The following BTBD7 variants were observed in gnomAD, a reference collection of about 807,000 sequenced individuals.
BTBD7 encodes the protein BTB/POZ domain-containing protein 7.
Under a neutral mutation model 99.9 loss-of-function variants are expected in BTBD7, and 38 were observed. The ratio of observed to expected loss-of-function variants is 0.38; its 90% CI spans 0.29 to 0.50. The LOEUF (loss-of-function observed/expected upper bound fraction) is 0.50, where lower values mean the gene tolerates loss of function less well. Ranked by LOEUF, BTBD7 falls within the 20% of genes least tolerant of loss-of-function variation. BTBD7 has a pLI of 0.93. For missense variants in BTBD7, 1,170 were observed against 1,394.6 expected, an observed-to-expected ratio of 0.84 and a Z score of 2.57; for synonymous variants, 520 against 511.4, an observed-to-expected ratio of 1.02 and a Z score of -0.23.
At chr14:93,322,196 T>A (rs996098395) in intron 1 of BTBD7, among the ~76,000 whole-genome samples, 1 of 152,138 alleles carries the variant, frequency 6.6e-6, no homozygotes, top group Non-Finnish European at 1.5e-5. Flanking sequence ...CACCATAACC[T>A]CAAATTTCTG....
Position 93,296,018 on chromosome 14 carries a change from A to T in BTBD7, c.34T>A (p.Cys12Ser). ...GAATTTCCCCCTACCCTCGGGGAAC[A>T]TGAATGAGGATAATTAGATGCATTA... ...GANASNYPHS[C>S]SPRVGGNSQA... Residue 12 changes from cysteine to serine, a missense_variant, in exon 2 of 11, where the codon TGT becomes AGT. This residue lies in a region of BTBD7 where 359 missense variants were observed against 497.9 expected (regional missense o/e 0.72). Transcript: ENST00000334746. The T allele has an allele frequency of 6.2e-7, 1 of 1,614,128 alleles. No homozygotes were observed.
In BTBD7 at chr14:93,301,194, AT is replaced by A. The variant is rs890054637; in HGVS notation, c.-106-5038del. Among the ~76,000 whole-genome samples, 952 of 143,962 alleles carry A rather than the reference AT, an allele frequency of 6.6e-3. 1 individual carries two copies. The highest frequency in any genetic ancestry group is 7.8e-3 in the Non-Finnish European group (509 of 65,170). 94.4% of individuals were successfully genotyped at this position (143,962 alleles called of 152,430 possible). A position where few individuals can be genotyped will look rare whatever the true frequency, so the allele number is the denominator to read the frequency against. On this transcript the variant is annotated intron_variant, in intron 1 of 10. Transcript: ENST00000334746. Reference sequence around the variant, plus strand: ...ACATTGTGAGACTCTGTCTTTCCAAATTTTTTTTTTTTTTGAGACAGAATTT... The same window carrying A: ...ACATTGTGAGACTCTGTCTTTCCAAATTTTTTTTTTTTTGAGACAGAATTT...
At chr14:93,295,075 A>T in intron 2 of BTBD7, 138 bp from the exon 3 acceptor site, 1 of 838,262 alleles carries the variant, frequency 1.2e-6, no homozygotes, top group Non-Finnish European at 1.7e-6. Context: ...TTATAAAGGA[A>T]GACAAAAAGT....
In BTBD7 at chr14:93,296,161, GAT is replaced by G; in HGVS notation, c.-106-6_-106-5del. 1 of 1,311,760 alleles carries G rather than the reference GAT, an allele frequency of 7.6e-7. No homozygotes were observed. Among genetic ancestry groups the G allele is most frequent in the Non-Finnish European group, 9.8e-7 (1 of 1,023,330 alleles). 81.3% of individuals were successfully genotyped at this position (1,311,760 alleles called of 1,614,324 possible). ...AGCAGCCTCTTTTCATCCATTTCTT[GAT>G]ATGAAATAAAAATAATTTAATTCAT... On this transcript the variant is annotated splice_region_variant and splice_polypyrimidine_tract_variant and intron_variant, in intron 1 of 10. Transcript: ENST00000334746.
In BTBD7 at chr14:93,293,826, A is replaced by G. The variant is rs764654736; in HGVS notation, c.1162+32T>C. 69 of 1,566,658 alleles carry G rather than the reference A, an allele frequency of 4.4e-5. No individual in the cohort carries two copies. In the South Asian group the frequency reaches 7.0e-4, roughly 16 times the overall value. On this transcript the variant is annotated intron_variant, in intron 3 of 10. Coordinates refer to ENST00000334746, the MANE Select transcript of BTBD7 (RefSeq NM_001002860.4). Reference sequence around the variant, plus strand: ...ATTTGGAAGATCAATACATAATTCTATAAATCAGAATTAAAAACCAGAACT... The same window carrying G: ...ATTTGGAAGATCAATACATAATTCTGTAAATCAGAATTAAAAACCAGAACT...
chr14:93,283,870 T>G (rs1019546384), intron 3 of BTBD7, among the ~76,000 whole-genome samples: 1 of 152,156 alleles, frequency 6.6e-6, no homozygotes. Flanking sequence ...GTCTTTTAAG[T>G]ATATAAATAA....
At chr14:93,286,458 A>G (rs932862062) in intron 3 of BTBD7, among the ~76,000 whole-genome samples, 2 of 152,212 alleles carry the variant, frequency 1.3e-5, no homozygotes, top group Non-Finnish European at 2.9e-5. Context: ...TAAACCTCCT[A>G]GCTGAGCCCA....
chr14:93,249,185 C>A (rs2052344800), intron 8 of BTBD7, among the ~76,000 whole-genome samples: 1 of 147,678 alleles, frequency 6.8e-6, no homozygotes, highest in Non-Finnish European at 1.5e-5. Context: ...AAGGGGCACC[C>A]AGCCAGACTG....
chr14:93,314,108 A>G (rs918168408), intron 1 of BTBD7, among the ~76,000 whole-genome samples: 1 of 152,192 alleles, frequency 6.6e-6, no homozygotes, highest in Non-Finnish European at 1.5e-5. Flanking sequence ...TAAATAAAAT[A>G]TCTGCTATAA....
At chr14:93,316,618 G>A (rs1390271283) in intron 1 of BTBD7, among the ~76,000 whole-genome samples, 3 of 152,072 alleles carry the variant, frequency 2.0e-5, no homozygotes, top group Admixed American at 2.0e-4. Flanking sequence ...TAAGGTCAGG[G>A]TTTTTCTTTT....
At chr14:93,312,230 T>A (rs749400533) in intron 1 of BTBD7, among the ~76,000 whole-genome samples, 9 of 152,218 alleles carry the variant, frequency 5.9e-5, no homozygotes, top group Non-Finnish European at 1.3e-4. Context: ...TTACATTTCA[T>A]ATATTCTCCC....
intron 1 of BTBD7, among the ~76,000 whole-genome samples, chr14:93,331,674 A>G (rs563889646): frequency 6.6e-6 from 1 of 152,270 alleles, no homozygotes; most frequent in South Asian, 2.1e-4. Flanking sequence ...AGAGGTCAGG[A>G]GCTCGAGACC....
intron 1 of BTBD7, among the ~76,000 whole-genome samples, chr14:93,330,933 T>C (rs79658729): frequency 8.5e-5 from 13 of 152,212 alleles, no homozygotes; most frequent in African/African-American, 2.9e-4. Context: ...AATGCTGGTG[T>C]TGGGACACAA....
intron 3 of BTBD7, among the ~76,000 whole-genome samples, chr14:93,280,756 A>C (rs1422075969): frequency 6.6e-6 from 1 of 152,140 alleles, no homozygotes; most frequent in Non-Finnish European, 1.5e-5. Context: ...ATTTCTGGAC[A>C]GTTTATATTC....
intron 1 of BTBD7, among the ~76,000 whole-genome samples, chr14:93,312,253 A>G (rs1229878711): frequency 6.6e-6 from 1 of 152,146 alleles, no homozygotes; most frequent in Non-Finnish European, 1.5e-5. Flanking sequence ...CATTCTTGAT[A>G]ATTAAACTTT....
intron 1 of BTBD7, among the ~76,000 whole-genome samples, chr14:93,330,176 G>C (rs1275756399): frequency 6.6e-6 from 1 of 152,112 alleles, no homozygotes; most frequent in Non-Finnish European, 1.5e-5. Context: ...AACTTTCAAA[G>C]GCTCTCTATA....
intron 1 of BTBD7, 33 bp downstream of exon 1, chr14:93,332,787 T>C: frequency 4.1e-6 from 6 of 1,462,882 alleles, no homozygotes; most frequent in Non-Finnish European, 5.4e-6. Context: ...CAGCCTCGGC[T>C]CCACAGCCTC....
At chr14:93,314,545 T>C (rs190145400) in intron 1 of BTBD7, among the ~76,000 whole-genome samples, 3 of 152,316 alleles carry the variant, frequency 2.0e-5, no homozygotes, top group Admixed American at 6.5e-5. Flanking sequence ...TGTATAGATA[T>C]GTAATAATTT....
chr14:93,256,357 A>ATTATATTAAGTTTAT (rs1183442743), intron 6 of BTBD7: 1 of 152,186 alleles, frequency 6.6e-6, no homozygotes, highest in Non-Finnish European at 1.5e-5. Context: ...TTTATAAGTC[A>ATTATATTAAGTTTAT]ATGTGTGAAG....
Sources: gnomAD v4.1 joint callset for allele counts (sites outside exome capture counted in the v4.1 genomes callset) on GRCh38, gnomAD v4.1.1 for gene constraint, gnomAD v4.1.1 regional missense constraint, MANE v1.5 for transcripts, NCBI Gene and HGNC (gene_info 2026-07-23, HGNC 2026-07-21) for gene names.